PRDM8: variants seen among roughly 807,000 people sequenced by gnomAD.
PRDM8 encodes the protein PR/SET domain 8.
In PRDM8, 13 loss-of-function variants were observed where a neutral mutation model predicts 46.5. The ratio of observed to expected loss-of-function variants is 0.28; its 90% CI spans 0.18 to 0.44. The LOEUF (loss-of-function observed/expected upper bound fraction) is 0.44. Among genes scored for constraint, PRDM8 ranks in the 20% least tolerant of loss-of-function variants. PRDM8 has a pLI of 1.00. For synonymous variants in PRDM8, 473 were observed against 438.4 expected (o/e 1.08, Z -0.98); for missense variants, 998 against 955.0 (o/e 1.04, Z -0.59).
At chr4:80,196,105 G>C, upstream of PRDM8, 2 of 982,330 alleles carry the variant, frequency 2.0e-6, no homozygotes, top group South Asian at 9.4e-5. Flanking sequence ...TCAAAGCTGG[G>C]AGAGGATCAA....
rs1318258282 is a variant in PRDM8, at chr4:80,202,045, G to A, written c.583G>A (p.Gly195Ser). ...ADISPQDEQG[G>S]GVGTKDHGGG... Reference sequence around the variant, plus strand: ...TATAAGTCCCCAAGACGAACAAGGCGGCGGCGTGGGCACCAAGGACCACGG... The same window carrying A: ...TATAAGTCCCCAAGACGAACAAGGCAGCGGCGTGGGCACCAAGGACCACGG... Residue 195 changes from glycine to serine, a missense_variant, in exon 4 of 4, where the codon GGC (glycine) becomes AGC (serine). Physicochemically the swap from Gly to Ser is moderately conservative, Grantham distance 56. Transcript: ENST00000415738. The A allele has an allele frequency of 1.9e-6, 3 of 1,613,974 alleles. No individual in the cohort carries two copies. The highest frequency in any genetic ancestry group is 2.7e-5 in the African/African-American group (2 of 74,910).
At chr4:80,197,143 TG>T, upstream of PRDM8, 1 of 985,518 alleles carries the variant, frequency 1.0e-6, no homozygotes, top group African/African-American at 1.7e-5. Context: ...CCGCACGCGC[TG>T]GGTGTCCAGC....
At chr4:80,196,154 A>G (rs1392642283), upstream of PRDM8, 5 of 934,612 alleles carry the variant, frequency 5.3e-6, no homozygotes, top group Non-Finnish European at 6.4e-6. Flanking sequence ...CTCCCCAAAT[A>G]CATTATTTCA....
At chr4:80,199,262 G>A (rs535005221) in intron 1 of PRDM8, among the ~76,000 whole-genome samples, 1 of 152,026 alleles carries the variant, frequency 6.6e-6, no homozygotes, top group African/African-American at 2.4e-5. Context: ...GGCCTGTCCT[G>A]TACCTGCTCA....
upstream of PRDM8, chr4:80,193,978 C>T (rs978073611): frequency 1.3e-5 from 2 of 152,216 alleles, no homozygotes; most frequent in Non-Finnish European, 2.9e-5. Flanking sequence ...GGAGATGTTA[C>T]CTGCCTCTTA....
chr4:80,201,603 T>C, intron 3 of PRDM8, 82 bp downstream of exon 3: 11 of 1,351,258 alleles, frequency 8.1e-6, no homozygotes, highest in Non-Finnish European at 1.1e-5. Context: ...ACCCGGCGCG[T>C]TGGCGCGCCT....
intron 2 of PRDM8, 25 bp from the exon 3 acceptor site, chr4:80,201,262 GTCT>G: frequency 1.3e-6 from 2 of 1,599,490 alleles, no homozygotes; most frequent in Non-Finnish European, 1.7e-6. Context: ...TCTCCTTCTT[GTCT>G]TCTTTCATTT....
At chr4:80,192,849 C>T (rs1737658023), upstream of PRDM8, among the ~76,000 whole-genome samples, 1 of 152,056 alleles carries the variant, frequency 6.6e-6, no homozygotes, top group African/African-American at 2.4e-5. Flanking sequence ...GTTTGCTAGC[C>T]CTTCTAAAAG....
In PRDM8 at chr4:80,202,886, G is replaced by A. The variant is rs2109879653; in HGVS notation, c.1424G>A (p.Gly475Glu). The A allele has an allele frequency of 7.7e-7, 1 of 1,292,056 alleles. No homozygotes were observed. The highest frequency in any genetic ancestry group is 2.6e-5 in the South Asian group (1 of 38,718). 80.0% of individuals were successfully genotyped at this position (1,292,056 alleles called of 1,614,324 possible). A position where few individuals can be genotyped will look rare whatever the true frequency, so the allele number is the denominator to read the frequency against. Residue 475 changes from glycine to glutamate, a missense_variant, in exon 4 of 4, where the codon GGG (glycine) becomes GAG (glutamate). Transcript: ENST00000415738. ...QLGSAGSTSGGGGTGAGAAGG... is the reference protein window; with the variant it reads ...QLGSAGSTSGEGGTGAGAAGG... ...GGCAGCGCGGGCAGCACCAGCGGTG[G>A]GGGCGGAACGGGCGCCGGGGCCGCA...
chr4:80,187,126 G>A (rs1007844107), intron 1 of PRDM8, among the ~76,000 whole-genome samples: 7 of 152,118 alleles, frequency 4.6e-5, no homozygotes, highest in Non-Finnish European at 7.3e-5. Context: ...GAACACTGAG[G>A]AATTGGTTTT....
chr4:80,203,272 C>G lies in PRDM8; in HGVS notation c.1810C>G (p.Gln604Glu). The G allele has an allele frequency of 6.3e-7, 1 of 1,589,388 alleles. No individual in the cohort carries two copies. The highest frequency in any genetic ancestry group is 8.6e-7 in the Non-Finnish European group (1 of 1,169,514). The change falls in exon 4 of 4, where the codon CAG (glutamine) becomes GAG (glutamate). Residue 604 changes from glutamine to glutamate, a missense_variant. Physicochemically the swap from Gln to Glu is conservative, Grantham distance 29. Transcript: ENST00000415738. ...GGCGGCCGCGGGGCCCTTGCAGCTG[C>G]AGCTGCCCTCGGCGCTCACGCTGCT... ...AAAAAGPLQL[Q>E]LPSALTLLPP...
At position 80,197,683 on chromosome 4, in the gene PRDM8, T is replaced by C. The variant is rs887822003; in HGVS notation, c.-83T>C. On this transcript the variant is annotated 5_prime_UTR_variant, in exon 1 of 4. Coordinates refer to ENST00000415738, the MANE Select transcript of PRDM8 (RefSeq NM_001099403.2). ...TTGACATGGAAATACACTGATACAA[T>C]AGGCAAAAGGAAACACTCGATTGCA... 3.7e-5 allele frequency: 36 copies of C among 982,304 alleles called. No individual in the cohort carries two copies. The highest frequency in any genetic ancestry group is 3.5e-4 in the African/African-American group (20 of 56,758). 60.8% of individuals were successfully genotyped at this position (982,304 alleles called of 1,614,324 possible).
chr4:80,201,779 C>T, intron 3 of PRDM8, 135 bp from the exon 4 acceptor site: 1 of 1,309,096 alleles, frequency 7.6e-7, no homozygotes, highest in Non-Finnish European at 1.1e-6. Flanking sequence ...GGCACTCAGG[C>T]CCTGAGAAAT....
chr4:80,198,179 T>C (rs1245634154), intron 1 of PRDM8, among the ~76,000 whole-genome samples: 1 of 152,180 alleles, frequency 6.6e-6, no homozygotes, highest in Non-Finnish European at 1.5e-5. Context: ...GCGGTTATTG[T>C]GATGGGCTTG....
chr4:80,198,936 A>G (rs1423023506), intron 1 of PRDM8, among the ~76,000 whole-genome samples: 1 of 141,272 alleles, frequency 7.1e-6, no homozygotes, highest in African/African-American at 2.6e-5. Flanking sequence ...CAATGCAGCT[A>G]GTTCAAAGCT....
intron 2 of PRDM8, among the ~76,000 whole-genome samples, chr4:80,192,488 A>G (rs3796597): frequency 0.022 from 3,407 of 152,278 alleles, 72 homozygotes; most frequent in East Asian, 0.11. Context: ...TGAGACTGCT[A>G]GACATCCCCT....
chr4:80,199,018 T>TG (rs1553904883), intron 1 of PRDM8, among the ~76,000 whole-genome samples: 1 of 89,144 alleles, frequency 1.1e-5, no homozygotes, highest in East Asian at 6.0e-4. Context: ...TTTTTTTTTT[T>TG]AGTGATAAGT....
rs562277889 is a variant in PRDM8 at position 80,203,189 on chromosome 4, T to A, written c.1727T>A (p.Leu576Gln). ...GGGLPKQSPF[L>Q]YATAFWPKSS... Reference sequence around the variant, plus strand: ...GGCCTGCCTAAGCAGAGCCCCTTCCTGTACGCCACCGCCTTCTGGCCCAAG... The same window carrying A: ...GGCCTGCCTAAGCAGAGCCCCTTCCAGTACGCCACCGCCTTCTGGCCCAAG... Residue 576 changes from leucine to glutamine, a missense_variant, in exon 4 of 4, where the codon CTG (leucine) becomes CAG (glutamine). Coordinates refer to ENST00000415738, the MANE Select transcript of PRDM8 (RefSeq NM_001099403.2). The A allele has an allele frequency of 5.0e-5, 78 of 1,550,224 alleles. No individual in the cohort carries two copies. The African/African-American group carries it at 8.1e-4, about 16-fold the overall frequency.
In PRDM8 at chr4:80,202,968, G is replaced by C; in HGVS notation, c.1506G>C (p.Ser502=). ...CGGACGAGCGCAAAAGCGCCTTCTC[G>C]CAGCCAGCACGCTCTTTCTCGCAGC... The part of the protein sequence containing the change: ...AASDERKSAF[S]QPARSFSQLS... Residue 502 remains serine, a synonymous_variant, in exon 4 of 4, where the codon TCG becomes TCC. Coordinates refer to ENST00000415738, the MANE Select transcript of PRDM8 (RefSeq NM_001099403.2). 1 of 1,491,544 alleles carries C rather than the reference G, an allele frequency of 6.7e-7. No individual in the cohort carries two copies. The highest frequency in any genetic ancestry group is 8.9e-7 in the Non-Finnish European group (1 of 1,129,066). 92.4% of individuals were successfully genotyped at this position (1,491,544 alleles called of 1,614,324 possible).
Sources: allele counts gnomAD v4.1 joint callset (sites outside exome capture counted in the v4.1 genomes callset), GRCh38; gene constraint gnomAD v4.1.1; transcripts MANE v1.5; gene names NCBI Gene and HGNC (gene_info 2026-07-23, HGNC 2026-07-21).